Variants in ATP1A4 observed in about 807,000 individuals in gnomAD.
The protein encoded by ATP1A4 is ATPase Na+/K+ transporting subunit alpha 4.
Under a neutral mutation model 114.3 loss-of-function variants are expected in ATP1A4, and 90 were observed. The ratio of observed to expected loss-of-function variants is 0.79; its 90% CI spans 0.66 to 0.94. The LOEUF (loss-of-function observed/expected upper bound fraction) is 0.94, where lower values mean the gene tolerates loss of function less well. Among genes scored for constraint, ATP1A4 ranks in the 40% least tolerant of loss-of-function variants. The probability of loss-of-function intolerance (pLI) is 0.00; values close to 1 mark genes in which losing one functional copy is unlikely to be tolerated. For synonymous variants in ATP1A4, 511 were observed against 494.1 expected (o/e 1.03, Z -0.45); for missense variants, 1,222 against 1,313.6 (o/e 0.93, Z 1.08).
chr1:160,167,136 CA>C, intron 9 of ATP1A4, 59 bp downstream of exon 9: 1 of 1,577,762 alleles, frequency 6.3e-7, no homozygotes, highest in Non-Finnish European at 8.7e-7. Context: ...TGACCTCTCC[CA>C]AAAAATCCTC....
At chr1:160,162,215 A>C (rs942582471) in intron 6 of ATP1A4, among the ~76,000 whole-genome samples, 1 of 152,194 alleles carries the variant, frequency 6.6e-6, no homozygotes, top group Non-Finnish European at 1.5e-5. Context: ...AGTTTCAGTG[A>C]TATGTTGCCT....
intron 5 of ATP1A4, 118 bp from the exon 6 acceptor site, chr1:160,159,291 G>C: frequency 1.5e-6 from 2 of 1,343,654 alleles, no homozygotes; most frequent in African/African-American, 1.5e-5. Flanking sequence ...GTGTAAATTT[G>C]TTTCTCTCAG....
chr1:160,163,494 T>A (rs1652927795), intron 6 of ATP1A4, among the ~76,000 whole-genome samples: 1 of 152,100 alleles, frequency 6.6e-6, no homozygotes, highest in Non-Finnish European at 1.5e-5. Context: ...AACACCTTAC[T>A]TAGGTTTACC....
Position 160,186,707 on chromosome 1 carries a change from AG to A in ATP1A4, c.*9del. 1.2e-6 allele frequency: 2 copies of A among 1,610,594 alleles called. No homozygotes were observed. Among genetic ancestry groups the A allele is most frequent in the Non-Finnish European group, 8.5e-7 (1 of 1,178,378 alleles). ...AGGGAGACGTACTACTAAACTCAGC[AG>A]ATGAAGAGCTTCATGTGACACAGGG... On this transcript the variant is annotated 3_prime_UTR_variant, in exon 22 of 22. Transcript: ENST00000368081.
At position 160,152,017 on chromosome 1, in the gene ATP1A4, G is replaced by T; in HGVS notation, c.-24G>T. On this transcript the variant is annotated 5_prime_UTR_variant, in exon 1 of 22. Coordinates refer to ENST00000368081, the MANE Select transcript of ATP1A4 (RefSeq NM_144699.4). Reference sequence around the variant, plus strand: ...CAGCTTTCTTCCCACAGTTGAGCTCGGGCAGCTCTTTCTGGGGATAGCTAT... The same window carrying T: ...CAGCTTTCTTCCCACAGTTGAGCTCTGGCAGCTCTTTCTGGGGATAGCTAT... The T allele has an allele frequency of 6.2e-7, 1 of 1,603,706 alleles. No individual in the cohort carries two copies. Among genetic ancestry groups the T allele is most frequent in the Non-Finnish European group, 8.5e-7 (1 of 1,175,474 alleles).
At chr1:160,181,091 G>C (rs1653683338) in intron 18 of ATP1A4, among the ~76,000 whole-genome samples, 2 of 152,068 alleles carry the variant, frequency 1.3e-5, no homozygotes, top group East Asian at 3.9e-4. Context: ...ATTGAGCCAT[G>C]CTACATGCCA....
Position 160,167,270 on chromosome 1 carries a change from C to A in ATP1A4, c.1357-8C>A. 1 of 1,598,102 alleles carries A rather than the reference C, an allele frequency of 6.3e-7. No homozygotes were observed. Among genetic ancestry groups the A allele is most frequent in the Non-Finnish European group, 8.5e-7 (1 of 1,173,402 alleles). ...CTGGGGCTTACTATACAAACCCCAT[C>A]CTGGCAGAGGGCCACAACAGGTGAT... On this transcript the variant is annotated splice_region_variant and splice_polypyrimidine_tract_variant and intron_variant, in intron 9 of 21. Transcript: ENST00000368081.
At chr1:160,169,833 C>T (rs1033670180) in intron 10 of ATP1A4, 84 of 152,368 alleles carry the variant, frequency 5.5e-4, no homozygotes, top group African/African-American at 1.8e-3. Context: ...TTCCCTCCCC[C>T]ACCACAGCCA....
chr1:160,183,526 A>G (rs1653781832), intron 20 of ATP1A4: 1 of 152,084 alleles, frequency 6.6e-6, no homozygotes, highest in Admixed American at 6.6e-5. Flanking sequence ...ACATGTTATC[A>G]TTTTTATTTC....
intron 6 of ATP1A4, among the ~76,000 whole-genome samples, chr1:160,159,732 T>C (rs1457700938): frequency 6.6e-6 from 1 of 152,258 alleles, no homozygotes; most frequent in East Asian, 1.9e-4. Context: ...CGTTACTCTG[T>C]AGATTTTCGT....
At chr1:160,170,197 G>A (rs1653194407) in intron 10 of ATP1A4, 1 of 152,198 alleles carries the variant, frequency 6.6e-6, no homozygotes, top group Non-Finnish European at 1.5e-5. Context: ...GGCCAAGGTT[G>A]GTAGATCACC....
At chr1:160,158,798 C>T (rs1017856994) in intron 4 of ATP1A4, among the ~76,000 whole-genome samples, 12 of 152,282 alleles carry the variant, frequency 7.9e-5, no homozygotes, top group Admixed American at 2.0e-4. Flanking sequence ...ATGGGAAGAG[C>T]GTCAAAGTCA....
chr1:160,155,622 G>T (rs1010626557), intron 3 of ATP1A4, among the ~76,000 whole-genome samples: 1 of 151,804 alleles, frequency 6.6e-6, no homozygotes, highest in Non-Finnish European at 1.5e-5. Flanking sequence ...AAAGCTTCTG[G>T]TCCAGTTCCC....
At chr1:160,182,282 CA>C (rs1266010580) in intron 20 of ATP1A4, among the ~76,000 whole-genome samples, 1 of 152,210 alleles carries the variant, frequency 6.6e-6, no homozygotes, top group Non-Finnish European at 1.5e-5. Context: ...CAGTGTTTAA[CA>C]GAGTGAAATC....
chr1:160,173,700 C>T lies in ATP1A4; in HGVS notation c.1974C>T (p.Ile658=), dbSNP rs1311471067. The T allele has an allele frequency of 1.2e-6, 2 of 1,614,070 alleles. No homozygotes were observed. The highest frequency in any genetic ancestry group is 1.7e-6 in the Non-Finnish European group (2 of 1,180,032). Residue 658 remains isoleucine (I), a synonymous_variant, in exon 13 of 22, where the codon ATC becomes ATT. Coordinates refer to ENST00000368081, the MANE Select transcript of ATP1A4 (RefSeq NM_144699.4). ...TCGCTGCCCGGCTTAAGATCCCTAT[C>T]AGCAAGGTCGATGCCAGGTGAGATC... ...EEVAARLKIP[I]SKVDASAAKA...
chr1:160,175,917 C>T (rs11805919), intron 15 of ATP1A4, among the ~76,000 whole-genome samples, 175 bp from the exon 16 acceptor site: 25,038 of 152,116 alleles, frequency 0.16, 2,293 homozygotes, highest in African/African-American at 0.24. Context: ...GACGGCATGG[C>T]TCTGATTAAA....
chr1:160,164,523 G>T, intron 7 of ATP1A4, 99 bp downstream of exon 7: 2 of 1,266,852 alleles, frequency 1.6e-6, no homozygotes, highest in Non-Finnish European at 2.2e-6. Flanking sequence ...TTCAAGTGCA[G>T]GGTCTTCCTG....
intron 14 of ATP1A4, 125 bp downstream of exon 14, chr1:160,174,386 C>G: frequency 6.9e-7 from 1 of 1,442,074 alleles, no homozygotes; most frequent in South Asian, 1.4e-5. Flanking sequence ...CCATCTGGAA[C>G]CTCCATGGTG....
Position 160,171,261 on chromosome 1 carries a change from A to C in ATP1A4, c.1502A>C (p.His501Pro). Reference protein sequence around the residue: ...NSTNKYQMSIHLREDSSQTHV... With the variant: ...NSTNKYQMSIPLREDSSQTHV... The stretch of plus-strand genomic sequence containing the variant: ...CTTTGCTCTCCCTAGATGTCCATCC[A>C]CCTTCGGGAGGACAGCTCCCAGACC... Residue 501 changes from histidine to proline, a missense_variant, in exon 11 of 22, where the codon CAC becomes CCC. Coordinates refer to ENST00000368081, the MANE Select transcript of ATP1A4 (RefSeq NM_144699.4). 6.2e-7 allele frequency: 1 copy of C among 1,613,418 alleles called. No homozygotes were observed. Among genetic ancestry groups the C allele is most frequent in the Non-Finnish European group, 8.5e-7 (1 of 1,179,612 alleles).
Sources: allele counts gnomAD v4.1 joint callset (sites outside exome capture counted in the v4.1 genomes callset), GRCh38; gene constraint gnomAD v4.1.1; transcripts MANE v1.5; gene names NCBI Gene and HGNC (gene_info 2026-07-23, HGNC 2026-07-21).